Variants in SAMMSON observed in about 807,000 individuals in gnomAD.
The protein encoded by SAMMSON is survival associated mitochondrial melanoma specific oncogenic non-coding RNA.
intron 3 of SAMMSON, among the ~76,000 whole-genome samples, chr3:70,046,488 A>C (rs1360781536): frequency 6.6e-6 from 1 of 152,138 alleles, no homozygotes; most frequent in Non-Finnish European, 1.5e-5. Context: ...CAAAATTAAT[A>C]TTTATTTTAC....
At position 70,229,187 on chromosome 3, in the gene SAMMSON, C is replaced by T. The variant is rs539113668; in HGVS notation, n.508-19920C>T. ...AATTTTTAGTTATCAGCATCTTACA[C>T]ATACAAGAAAAGAAAAGGTGTCAGA... is the stretch of plus-strand genomic sequence containing the variant. On this transcript the variant is annotated intron_variant and non_coding_transcript_variant, in intron 4 of 9. Coordinates refer to ENST00000642114, the Ensembl canonical transcript of SAMMSON. 2.5e-3 allele frequency among the ~76,000 whole-genome samples: 387 copies of T among 152,174 alleles called. 1 individual carries two copies. The highest frequency in any genetic ancestry group is 0.01 in the Middle Eastern group (3 of 294).
chr3:70,189,807 C>T (rs1016026918), intron 4 of SAMMSON, among the ~76,000 whole-genome samples: 1 of 151,584 alleles, frequency 6.6e-6, no homozygotes, highest in African/African-American at 2.4e-5. Flanking sequence ...GGTCCTGCAC[C>T]GTAGGCACAT....
intron 3 of SAMMSON, among the ~76,000 whole-genome samples, chr3:70,044,806 A>T (rs1319743437): frequency 6.7e-6 from 1 of 150,180 alleles, no homozygotes; most frequent in African/African-American, 2.4e-5. Flanking sequence ...TATACTTCAC[A>T]TAAAAAGGAA....
At chr3:70,297,035 C>A (rs989120799) in intron 7 of SAMMSON, among the ~76,000 whole-genome samples, 1 of 151,994 alleles carries the variant, frequency 6.6e-6, no homozygotes, top group Non-Finnish European at 1.5e-5. Context: ...ATGGCTTAAC[C>A]AAGGTGTGCT....
At chr3:70,211,416 TC>T (rs1559535989) in intron 4 of SAMMSON, among the ~76,000 whole-genome samples, 69 of 38,672 alleles carry the variant, frequency 1.8e-3, no homozygotes, top group Non-Finnish European at 3.5e-3. Context: ...GCCCTTCCCT[TC>T]CCTTTGCCCT....
chr3:70,359,738 A>G (rs936924312), intron 9 of SAMMSON, among the ~76,000 whole-genome samples: 5 of 152,170 alleles, frequency 3.3e-5, no homozygotes, highest in Non-Finnish European at 5.9e-5. Context: ...ATACAGAGAT[A>G]GTGCTTTTTT....
At chr3:70,372,970 T>A (rs1180921286) in intron 9 of SAMMSON, among the ~76,000 whole-genome samples, 2 of 152,196 alleles carry the variant, frequency 1.3e-5, no homozygotes, top group Non-Finnish European at 2.9e-5. Flanking sequence ...ATCTTCCTAT[T>A]CCTACATTTA....
chr3:70,032,287 T>C (rs1282493418), intron 3 of SAMMSON, among the ~76,000 whole-genome samples: 1 of 152,200 alleles, frequency 6.6e-6, no homozygotes, highest in Non-Finnish European at 1.5e-5. Context: ...AAAAAATCTT[T>C]TAAATTAATT....
chr3:70,227,209 G>A (rs1263329078), intron 4 of SAMMSON, among the ~76,000 whole-genome samples: 1 of 152,122 alleles, frequency 6.6e-6, no homozygotes, highest in African/African-American at 2.4e-5. Context: ...GAATTAGAAA[G>A]GAAATAGACT....
chr3:70,078,668 A>G (rs73836092), intron 4 of SAMMSON, among the ~76,000 whole-genome samples: 2,959 of 152,148 alleles, frequency 0.019, 95 homozygotes, highest in African/African-American at 0.066. Flanking sequence ...CTTTTAAGCA[A>G]CTGAACCCTG....
intron 3 of SAMMSON, among the ~76,000 whole-genome samples, chr3:70,037,392 A>G (rs1179425416): frequency 2.6e-5 from 4 of 152,116 alleles, no homozygotes; most frequent in African/African-American, 4.8e-5. Flanking sequence ...CTGGGATGGT[A>G]TAAGTTGAGG....
At chr3:70,265,147 C>T (rs946360965) in intron 6 of SAMMSON, among the ~76,000 whole-genome samples, 3 of 152,102 alleles carry the variant, frequency 2.0e-5, no homozygotes, top group African/African-American at 7.2e-5. Context: ...ATGGGAGCTA[C>T]AATTCAAGAT....
rs149880226 is a variant in SAMMSON, at chr3:70,299,803, C to T, written n.739+8560C>T. 4.5e-3 allele frequency among the ~76,000 whole-genome samples: 690 copies of T among 152,202 alleles called. 4 individuals carry two copies. Among genetic ancestry groups the T allele is most frequent in the African/African-American group, 0.016 (645 of 41,538 alleles). On this transcript the variant is annotated intron_variant and non_coding_transcript_variant, in intron 7 of 9. Transcript: ENST00000642114. ...GTTATCTTTAGGTCCTCTCTACCTT[C>T]CTGAAGCCAACCTCACATATATTTT...
intron 6 of SAMMSON, among the ~76,000 whole-genome samples, chr3:70,270,528 T>A (rs1212486077): frequency 6.6e-6 from 1 of 152,212 alleles, no homozygotes; most frequent in African/African-American, 2.4e-5. Context: ...CTTTCTCAAG[T>A]ATGTATATAC....
rs1409716860 is a variant in SAMMSON at position 70,023,953 on chromosome 3, C to T, written n.417+10281C>T. Among the ~76,000 whole-genome samples, 9 of 152,140 alleles carry T rather than the reference C, an allele frequency of 5.9e-5. 1 individual carries two copies. Among genetic ancestry groups the T allele is most frequent in the African/African-American group, 1.9e-4 (8 of 41,430 alleles). Reference sequence around the variant, plus strand: ...CCTCCCAGAATGCCCACAGTTTTTCCTTCTGCCTGTCTCCAGCTGACCTTA... The same window carrying T: ...CCTCCCAGAATGCCCACAGTTTTTCTTTCTGCCTGTCTCCAGCTGACCTTA... On this transcript the variant is annotated intron_variant and non_coding_transcript_variant, in intron 3 of 9. Coordinates refer to ENST00000642114, the Ensembl canonical transcript of SAMMSON.
intron 7 of SAMMSON, among the ~76,000 whole-genome samples, chr3:70,325,964 A>G (rs1702578270): frequency 1.3e-5 from 2 of 152,136 alleles, no homozygotes; most frequent in South Asian, 4.1e-4. Context: ...GTTGATTGTT[A>G]CAACTTTATT....
At chr3:70,286,278 G>A (rs1350038551) in intron 6 of SAMMSON, among the ~76,000 whole-genome samples, 1 of 152,204 alleles carries the variant, frequency 6.6e-6, no homozygotes, top group Non-Finnish European at 1.5e-5. Flanking sequence ...TCTACATATG[G>A]CTAGCCAGTT....
intron 4 of SAMMSON, among the ~76,000 whole-genome samples, chr3:70,189,807 C>CT (rs397814719): frequency 4.0e-5 from 6 of 151,700 alleles, no homozygotes; most frequent in Admixed American, 2.0e-4. Context: ...GGTCCTGCAC[C>CT]GTAGGCACAT....
chr3:70,143,838 C>T (rs988750549), intron 4 of SAMMSON, among the ~76,000 whole-genome samples: 3 of 152,088 alleles, frequency 2.0e-5, no homozygotes, highest in Admixed American at 2.0e-4. Flanking sequence ...CTCAACATTC[C>T]TTTGATGTAG....
Sources: allele counts gnomAD v4.1 joint callset (sites outside exome capture counted in the v4.1 genomes callset), GRCh38; gene constraint gnomAD v4.1.1; transcripts MANE v1.5; gene names NCBI Gene and HGNC (gene_info 2026-07-23, HGNC 2026-07-21).